Variants in NUP153 observed in about 807,000 individuals in gnomAD.
NUP153 encodes the protein nuclear pore complex protein Nup153.
A neutral mutation model predicts 134.6 loss-of-function variants in NUP153; 27 were observed. The observed-to-expected ratio is 0.20, with a 90% CI of 0.15 to 0.28. NUP153 has a LOEUF of 0.28. Among genes scored for constraint, NUP153 ranks in the 10% least tolerant of loss-of-function variants. The pLI is 1.00. For missense variants in NUP153, 1,821 were observed against 1,731.3 expected (o/e 1.05, Z -0.92); for synonymous variants, 640 against 623.5 (o/e 1.03, Z -0.40).
intron 11 of NUP153, among the ~76,000 whole-genome samples, chr6:17,653,166 T>C (rs886603158): frequency 6.6e-6 from 1 of 151,408 alleles, no homozygotes; most frequent in Non-Finnish European, 1.5e-5. Context: ...CACGGGAGAG[T>C]TGCTTGAACT....
intron 15 of NUP153, 113 bp from the exon 16 acceptor site, chr6:17,637,883 CAAG>C: frequency 8.8e-7 from 1 of 1,130,270 alleles, no homozygotes; most frequent in Non-Finnish European, 1.2e-6. Context: ...TACTACAATC[CAAG>C]ATGAACTACT....
chr6:17,699,718 CCA>C (rs1382005256), intron 1 of NUP153, among the ~76,000 whole-genome samples: 2 of 151,788 alleles, frequency 1.3e-5, no homozygotes, highest in Non-Finnish European at 2.9e-5. Flanking sequence ...ACCTGTAACC[CCA>C]GTTACTCAGG....
Position 17,628,859 on chromosome 6 carries a change from T to C in NUP153, c.3340A>G (p.Thr1114Ala), listed in dbSNP as rs772507352. The change falls in exon 18 of 22, where the codon ACT becomes GCT. Residue 1114 changes from threonine to alanine, a missense_variant. Physicochemically the swap from Thr to Ala is moderately conservative, Grantham distance 58. Transcript: ENST00000262077. The surrounding 1 kb of genome is among the most constrained non-coding windows in gnomAD (Gnocchi z 5.4). The part of the protein sequence containing the change: ...EEKQQEPVTS[T>A]SLVFGKKADN... ...GCTTTCTTCCCAAAAACTAGGGAAG[T>C]AGAAGTGACAGGCTCTTGCTGTTTC... is the stretch of plus-strand genomic sequence containing the variant. The C allele has an allele frequency of 7.4e-6, 12 of 1,614,064 alleles. No homozygotes were observed. Among genetic ancestry groups the C allele is most frequent in the Middle Eastern group, 1.6e-4 (1 of 6,084 alleles).
chr6:17,690,981 T>G (rs1769242850), intron 1 of NUP153, among the ~76,000 whole-genome samples: 1 of 151,600 alleles, frequency 6.6e-6, no homozygotes, highest in African/African-American at 2.4e-5. Context: ...CTCCTAAAAA[T>G]ACAAAAAAAA....
At chr6:17,698,799 C>T (rs566783358) in intron 1 of NUP153, among the ~76,000 whole-genome samples, 2 of 147,796 alleles carry the variant, frequency 1.4e-5, no homozygotes, top group African/African-American at 5.0e-5. Flanking sequence ...AATCCCAGAG[C>T]GGGGCGGAGG....
At chr6:17,637,908 T>G in intron 15 of NUP153, 138 bp from the exon 16 acceptor site, 2 of 944,384 alleles carry the variant, frequency 2.1e-6, no homozygotes, top group Non-Finnish European at 1.5e-6. Context: ...AAGAATTGTT[T>G]TTCACTTAAG....
intron 18 of NUP153, among the ~76,000 whole-genome samples, chr6:17,626,722 A>T (rs527948583): frequency 3.9e-4 from 60 of 152,240 alleles, no homozygotes; most frequent in Middle Eastern, 3.4e-3. Context: ...CCATGGACTG[A>T]TATTAGTAGG....
At chr6:17,651,940 T>A (rs1350081943) in intron 11 of NUP153, 1 of 618,922 alleles carries the variant, frequency 1.6e-6, no homozygotes, top group Non-Finnish European at 3.1e-6. Flanking sequence ...CAAATAATTT[T>A]AAAAATTGGC....
intron 12 of NUP153, among the ~76,000 whole-genome samples, chr6:17,648,884 T>C (rs369887877): frequency 3.3e-5 from 5 of 152,082 alleles, no homozygotes; most frequent in Admixed American, 6.6e-5. Context: ...AGTGCACTCC[T>C]ACCCAAAAAG....
chr6:17,618,755 AT>A (rs1242685238), intron 20 of NUP153, among the ~76,000 whole-genome samples: 1 of 152,038 alleles, frequency 6.6e-6, no homozygotes, highest in Non-Finnish European at 1.5e-5. Flanking sequence ...CTTAGTAGAG[AT>A]GGGGTTTCAC....
intron 2 of NUP153, among the ~76,000 whole-genome samples, chr6:17,682,430 CTA>C (rs1049909958): frequency 5.3e-5 from 8 of 152,282 alleles, no homozygotes; most frequent in Admixed American, 3.9e-4. Flanking sequence ...CATCGACTGA[CTA>C]TTCCTTTAAC....
chr6:17,630,983 A>G (rs1395343166), intron 17 of NUP153, among the ~76,000 whole-genome samples: 2 of 152,232 alleles, frequency 1.3e-5, no homozygotes, highest in African/African-American at 4.8e-5. Flanking sequence ...TTACCACACT[A>G]CAGGTAGAGA....
At chr6:17,634,697 G>GA (rs1207250004) in intron 16 of NUP153, among the ~76,000 whole-genome samples, 1 of 152,138 alleles carries the variant, frequency 6.6e-6, no homozygotes, top group Non-Finnish European at 1.5e-5. Flanking sequence ...TCAGCCTCAC[G>GA]AAGTGCTGGG....
At chr6:17,649,507 T>C (rs1766395545) in intron 11 of NUP153, among the ~76,000 whole-genome samples, 1 of 152,204 alleles carries the variant, frequency 6.6e-6, no homozygotes, top group African/African-American at 2.4e-5. Flanking sequence ...AACTGCCTTC[T>C]GTACCAATTT....
At chr6:17,691,607 A>T (rs577419347) in intron 1 of NUP153, among the ~76,000 whole-genome samples, 1 of 152,282 alleles carries the variant, frequency 6.6e-6, no homozygotes, top group South Asian at 2.1e-4. Flanking sequence ...TCTACTAAAA[A>T]TACAAAAATT....
chr6:17,626,086 CCAG>C lies in NUP153; in HGVS notation c.3620_3622del (p.Ala1207del). The C allele has an allele frequency of 6.2e-7, 1 of 1,613,904 alleles. No homozygotes were observed. Among genetic ancestry groups the C allele is most frequent in the Admixed American group, 1.7e-5 (1 of 60,016 alleles). On this transcript the variant is annotated inframe_deletion, in exon 19 of 22. Coordinates refer to ENST00000262077, the MANE Select transcript of NUP153 (RefSeq NM_005124.4). ...GGTGGAACTACCAAATATGCCACCA[CCAG>C]CAGAAGTGGCTGGTGTACTTGAACT...
intron 9 of NUP153, 128 bp from the exon 10 acceptor site, chr6:17,662,198 A>C (rs1767231363): frequency 1.3e-6 from 1 of 789,406 alleles, no homozygotes; most frequent in African/African-American, 1.8e-5. Context: ...ATGAATCCTG[A>C]AATTTGAAAT....
At chr6:17,687,317 A>G (rs1214510919) in intron 2 of NUP153, among the ~76,000 whole-genome samples, 2 of 152,182 alleles carry the variant, frequency 1.3e-5, no homozygotes, top group African/African-American at 4.8e-5. Flanking sequence ...CAGAGGGGGG[A>G]AAACAGAAAA....
Position 17,688,632 on chromosome 6 carries a change from A to C in NUP153, c.112-14T>G, listed in dbSNP as rs535420275. The stretch of plus-strand genomic sequence containing the variant: ...GCTAAGAATGCCCTGTTGAGAGAAA[A>C]AACATATTATGACAGTTTTAGAAAT... On this transcript the variant is annotated splice_polypyrimidine_tract_variant and intron_variant, in intron 1 of 21. Transcript: ENST00000262077. 3.2e-6 allele frequency: 5 copies of C among 1,579,404 alleles called. No homozygotes were observed. The highest frequency in any genetic ancestry group is 4.3e-6 in the Non-Finnish European group (5 of 1,152,156).
Sources: allele counts gnomAD v4.1 joint callset (sites outside exome capture counted in the v4.1 genomes callset), GRCh38; gene constraint gnomAD v4.1.1; non-coding constraint Gnocchi (gnomAD v3.1); transcripts MANE v1.5; gene names NCBI Gene and HGNC (gene_info 2026-07-23, HGNC 2026-07-21).